Variants in MYEF2 observed in about 807,000 individuals in gnomAD.
The protein encoded by MYEF2 is myelin expression factor 2.
A neutral mutation model predicts 75.2 loss-of-function variants in MYEF2; 37 were observed. The ratio of observed to expected loss-of-function variants is 0.49; its 90% CI spans 0.38 to 0.65. MYEF2 has a LOEUF of 0.65. Ranked by LOEUF, MYEF2 falls within the 30% of genes least tolerant of loss-of-function variation. MYEF2 has a pLI of 0.00. For missense variants in MYEF2, 634 were observed against 771.4 expected (o/e 0.82, Z 2.11); for synonymous variants, 195 against 241.6 (o/e 0.81, Z 1.79).
chr15:48,155,703 A>T (rs74011912), intron 9 of MYEF2, among the ~76,000 whole-genome samples: 1 of 151,144 alleles, frequency 6.6e-6, no homozygotes, highest in East Asian at 1.9e-4. Flanking sequence ...AAAAAAAAAA[A>T]CTCATACATT....
At chr15:48,154,302 C>G (rs1412709326) in intron 9 of MYEF2, among the ~76,000 whole-genome samples, 13 of 152,010 alleles carry the variant, frequency 8.6e-5, no homozygotes, top group Non-Finnish European at 5.9e-5. Context: ...TCAAATCAAA[C>G]TAAAAAGTCA....
Position 48,139,160 on chromosome 15 carries a change from A to T in MYEF2, c.*3748T>A. ...CGCATTTACATATATCCTGGTTTGG[A>T]TGGTCACAATAACTGGTATGTATTT... On this transcript the variant is annotated 3_prime_UTR_variant, in exon 17 of 17. Transcript: ENST00000324324. 6.2e-7 allele frequency: 1 copy of T among 1,611,464 alleles called. No homozygotes were observed. Among genetic ancestry groups the T allele is most frequent in the African/African-American group, 1.3e-5 (1 of 74,966 alleles).
At chr15:48,160,934 C>A (rs919848866) in intron 5 of MYEF2, among the ~76,000 whole-genome samples, 2 of 151,814 alleles carry the variant, frequency 1.3e-5, no homozygotes, top group African/African-American at 2.4e-5. Flanking sequence ...TAAATAAATT[C>A]TTTAGGCCTG....
At position 48,138,925 on chromosome 15, in the gene MYEF2, A is replaced by T; in HGVS notation, c.*3983T>A. 2 of 1,397,786 alleles carry T rather than the reference A, an allele frequency of 1.4e-6. No individual in the cohort carries two copies. The highest frequency in any genetic ancestry group is 2.0e-6 in the Non-Finnish European group (2 of 1,003,866). 86.6% of individuals were successfully genotyped at this position (1,397,786 alleles called of 1,614,324 possible). A position where few individuals can be genotyped will look rare whatever the true frequency, so the allele number is the denominator to read the frequency against. ...CTAAATAGGCATTTCTAACTTAATT[A>T]GCCATTTGAGAAAACTCAAAAGTGT... On this transcript the variant is annotated 3_prime_UTR_variant, in exon 17 of 17. Coordinates refer to ENST00000324324, the MANE Select transcript of MYEF2 (RefSeq NM_016132.5).
intron 1 of MYEF2, among the ~76,000 whole-genome samples, chr15:48,169,222 A>G (rs900590277): frequency 4.6e-5 from 7 of 152,234 alleles, no homozygotes; most frequent in African/African-American, 1.7e-4. Context: ...CTTTCTGGGC[A>G]TCATTAAAAA....
intron 1 of MYEF2, among the ~76,000 whole-genome samples, chr15:48,174,391 ATTT>A (rs34660334): frequency 6.8e-6 from 1 of 146,694 alleles, no homozygotes; most frequent in Non-Finnish European, 1.5e-5. Context: ...CTTGGCAATG[ATTT>A]TTTTTTTTTT....
At chr15:48,167,482 A>AG in intron 2 of MYEF2, 81 bp from the exon 3 acceptor site, 5 of 1,302,754 alleles carry the variant, frequency 3.8e-6, no homozygotes, top group African/African-American at 1.5e-5. Flanking sequence ...ACACCTGTGC[A>AG]CAACTCTACA....
At chr15:48,164,008 A>G (rs970119565) in intron 5 of MYEF2, among the ~76,000 whole-genome samples, 2 of 152,200 alleles carry the variant, frequency 1.3e-5, no homozygotes, top group African/African-American at 4.8e-5. Flanking sequence ...TATTAACACA[A>G]TATCCACTCT....
At chr15:48,157,903 G>T in intron 9 of MYEF2, 90 bp downstream of exon 9, 1 of 1,564,050 alleles carries the variant, frequency 6.4e-7, no homozygotes, top group Non-Finnish European at 8.6e-7. Context: ...GAGAAACTAG[G>T]ATGTAGGCAC....
Position 48,149,063 on chromosome 15 carries a change from C to T in MYEF2, c.1608G>A (p.Trp536Ter). 6.2e-7 allele frequency: 1 copy of T among 1,612,942 alleles called. No individual in the cohort carries two copies. The highest frequency in any genetic ancestry group is 8.5e-7 in the Non-Finnish European group (1 of 1,179,242). The change falls in exon 16 of 17, where the codon TGG becomes TGA. Residue 536 changes from tryptophan (W) to a stop codon, truncating the protein, a stop_gained. Transcript: ENST00000324324. LOFTEE classifies it high-confidence loss of function. This position sits in a 1 kb window ranked among gnomAD's most constrained non-coding sequence, Gnocchi z 4.0. ...GACTGAATTTCTCTTTTAGTTTCTG[C>T]CAAGTCAAGTCAAAAGGTAGCTAGA... ...FVRNLPFDLT[W>*]QKLKEKFSQC...
At chr15:48,151,996 G>GTA in intron 11 of MYEF2, 54 bp from the exon 12 acceptor site, 1 of 1,548,948 alleles carries the variant, frequency 6.5e-7, no homozygotes, top group Non-Finnish European at 8.9e-7. Context: ...TAGCTGAAAG[G>GTA]TACGTTTTGT....
At chr15:48,157,760 T>G in intron 9 of MYEF2, 1 of 1,231,452 alleles carries the variant, frequency 8.1e-7, no homozygotes, top group Non-Finnish European at 1.0e-6. Context: ...CCAAACATTT[T>G]AGAATGTATT....
chr15:48,158,720 T>C (rs2039808270), intron 7 of MYEF2, 49 bp downstream of exon 7: 1 of 1,606,782 alleles, frequency 6.2e-7, no homozygotes. Flanking sequence ...AAAGGTGGTA[T>C]TATGCTTCTT....
chr15:48,146,293 G>A (rs1261337876), intron 16 of MYEF2, among the ~76,000 whole-genome samples: 1 of 151,814 alleles, frequency 6.6e-6, no homozygotes, highest in Non-Finnish European at 1.5e-5. Context: ...GCATCTCTCT[G>A]AGGAATTACA....
Position 48,142,560 on chromosome 15 carries a change from G to GA in MYEF2, c.*347dup, listed in dbSNP as rs1014114484. ...ATATTATAAAACAGAAGTTTGGGGG[G>GA]AAAAAATCTATGTTTTACCATACAA... On this transcript the variant is annotated 3_prime_UTR_variant, in exon 17 of 17. Transcript: ENST00000324324. 1.8e-4 allele frequency: 85 copies of GA among 471,968 alleles called. 1 individual carries two copies. Among genetic ancestry groups the GA allele is most frequent in the Middle Eastern group, 1.1e-3 (2 of 1,758 alleles). 29.2% of individuals were successfully genotyped at this position (471,968 alleles called of 1,614,324 possible).
intron 10 of MYEF2, chr15:48,152,846 G>T (rs907923833): frequency 6.6e-6 from 1 of 152,400 alleles, no homozygotes; most frequent in Non-Finnish European, 1.5e-5. Flanking sequence ...TGTGACTACA[G>T]CATCTTGACA....
At chr15:48,172,066 C>A (rs759157205) in intron 1 of MYEF2, among the ~76,000 whole-genome samples, 1 of 152,034 alleles carries the variant, frequency 6.6e-6, no homozygotes, top group African/African-American at 2.4e-5. Flanking sequence ...AGGAAAACTA[C>A]CAGAGGGCAG....
Position 48,141,478 on chromosome 15 carries a change from G to A in MYEF2, c.*1430C>T. On this transcript the variant is annotated 3_prime_UTR_variant, in exon 17 of 17. Transcript: ENST00000324324. ...TGTAATCCCAGCTACTCAGGAGGCT[G>A]AGGCAGGAGAATTGTTTGAATCCAG... The A allele has an allele frequency of 4.1e-6, 1 of 246,498 alleles. No homozygotes were observed. The highest frequency in any genetic ancestry group is 7.9e-6 in the Non-Finnish European group (1 of 126,122). 15.3% of individuals were successfully genotyped at this position (246,498 alleles called of 1,614,324 possible).
intron 16 of MYEF2, among the ~76,000 whole-genome samples, chr15:48,145,975 T>G (rs2039266280): frequency 6.6e-6 from 1 of 151,922 alleles, no homozygotes; most frequent in Non-Finnish European, 1.5e-5. Flanking sequence ...GCCTCCATTT[T>G]CCATGCAGTT....
Sources: gnomAD v4.1 joint callset for allele counts (sites outside exome capture counted in the v4.1 genomes callset) on GRCh38, gnomAD v4.1.1 for gene constraint, Gnocchi (gnomAD v3.1) non-coding constraint, MANE v1.5 for transcripts, NCBI Gene and HGNC (gene_info 2026-07-23, HGNC 2026-07-21) for gene names.